Variants in PRKCE observed in about 807,000 individuals in gnomAD.
PRKCE encodes the protein protein kinase C epsilon type.
PRKCE carries 16 observed loss-of-function variants against 85.4 expected under a neutral mutation model. The observed-to-expected ratio is 0.19, with a 90% CI of 0.13 to 0.28. The LOEUF (loss-of-function observed/expected upper bound fraction) is 0.28, where lower values mean the gene tolerates loss of function less well. Ranked by LOEUF, PRKCE falls within the 10% of genes least tolerant of loss-of-function variation. The probability of loss-of-function intolerance (pLI) is 1.00; values close to 1 mark genes in which losing one functional copy is unlikely to be tolerated. For synonymous variants in PRKCE, 388 were observed against 371.5 expected (o/e 1.04, Z -0.51); for missense variants, 573 against 975.2 (o/e 0.59, Z 5.49).
intron 10 of PRKCE, among the ~76,000 whole-genome samples, chr2:46,045,112 T>G (rs964255913): frequency 1.3e-5 from 2 of 152,226 alleles, no homozygotes; most frequent in Non-Finnish European, 2.9e-5. Flanking sequence ...CCATGGGCAT[T>G]TTTACTTTAA....
intron 1 of PRKCE, among the ~76,000 whole-genome samples, chr2:45,788,503 C>T (rs1224431512): frequency 6.6e-6 from 1 of 152,178 alleles, no homozygotes; most frequent in Non-Finnish European, 1.5e-5. Context: ...TATCAGCACT[C>T]ACTTCTCATT....
At chr2:45,943,325 A>G (rs947797052) in intron 2 of PRKCE, among the ~76,000 whole-genome samples, 1 of 152,266 alleles carries the variant, frequency 6.6e-6, no homozygotes, top group East Asian at 1.9e-4. Flanking sequence ...GTTTAGAACC[A>G]TAGCGTCTAA....
intron 11 of PRKCE, among the ~76,000 whole-genome samples, chr2:46,143,567 C>G (rs1675771925): frequency 6.6e-6 from 1 of 152,122 alleles, no homozygotes; most frequent in African/African-American, 2.4e-5. Flanking sequence ...AGGTCACAGA[C>G]CAGCAAGGTG....
intron 11 of PRKCE, among the ~76,000 whole-genome samples, chr2:46,115,109 G>A (rs531764823): frequency 1.3e-5 from 2 of 152,294 alleles, no homozygotes; most frequent in African/African-American, 4.8e-5. Flanking sequence ...CTTGATCACA[G>A]TGTAGCGCAA....
intron 2 of PRKCE, among the ~76,000 whole-genome samples, chr2:45,928,776 A>AC (rs1379183343): frequency 2.0e-5 from 3 of 152,004 alleles, no homozygotes; most frequent in Non-Finnish European, 4.4e-5. Flanking sequence ...GTGTGGATGG[A>AC]CTTTTTTTTT....
rs574724621 is a variant in PRKCE, at chr2:46,071,510, G to A, written c.1438-14698G>A. 5.9e-5 allele frequency among the ~76,000 whole-genome samples: 9 copies of A among 152,308 alleles called. No homozygotes were observed. The South Asian group carries it at 1.9e-3, about 32-fold the overall frequency. On this transcript the variant is annotated intron_variant, in intron 10 of 14. Transcript: ENST00000306156. ...CAAGTTCATGCAGCTTGTTCACGCAGCTGAGCTAGGATTTTAACCCAGGCA... is the reference window on the plus strand; with the variant it reads ...CAAGTTCATGCAGCTTGTTCACGCAACTGAGCTAGGATTTTAACCCAGGCA...
intron 2 of PRKCE, among the ~76,000 whole-genome samples, chr2:45,901,259 G>A (rs577519100): frequency 2.4e-4 from 37 of 152,228 alleles, no homozygotes; most frequent in South Asian, 2.1e-4. Context: ...ACTCCTAATC[G>A]GTTGCTTGAG....
At chr2:46,125,266 GA>G (rs1415312759) in intron 11 of PRKCE, among the ~76,000 whole-genome samples, 2 of 152,196 alleles carry the variant, frequency 1.3e-5, no homozygotes, top group Admixed American at 6.5e-5. Context: ...GATAGGAAGG[GA>G]AAATAGGCGT....
Position 45,917,334 on chromosome 2 carries a change from G to A in PRKCE, c.413-59095G>A, listed in dbSNP as rs1022695644. Among the ~76,000 whole-genome samples, 6 of 152,150 alleles carry A rather than the reference G, an allele frequency of 3.9e-5. No individual in the cohort carries two copies. In the South Asian group the frequency reaches 6.2e-4, roughly 16 times the overall value. On this transcript the variant is annotated intron_variant, in intron 2 of 14. Coordinates refer to ENST00000306156, the MANE Select transcript of PRKCE (RefSeq NM_005400.3). Reference sequence around the variant, plus strand: ...AGCTAGACATAGGGTGCTGATTGGTGTGTTTACAAACCTTGAGCTAGATAC... The same window carrying A: ...AGCTAGACATAGGGTGCTGATTGGTATGTTTACAAACCTTGAGCTAGATAC...
chr2:45,968,696 C>A lies in PRKCE; in HGVS notation c.413-7733C>A, dbSNP rs111969573. ...CCTAAACTGAAAGGCAATCTAAGAA[C>A]ACTGAGGTTGTGGGTGCCCCTGACC... On this transcript the variant is annotated intron_variant, in intron 2 of 14. Transcript: ENST00000306156. Among the ~76,000 whole-genome samples, 398 of 152,250 alleles carry A rather than the reference C, an allele frequency of 2.6e-3. 5 individuals are homozygous for A. The highest frequency in any genetic ancestry group is 9.0e-3 in the African/African-American group (376 of 41,552).
chr2:45,963,768 G>C (rs1036448746), intron 2 of PRKCE, among the ~76,000 whole-genome samples: 1 of 152,166 alleles, frequency 6.6e-6, no homozygotes, highest in Non-Finnish European at 1.5e-5. Flanking sequence ...GCGCCCTGCC[G>C]GGACTCCAGA....
At chr2:46,010,763 A>C in intron 10 of PRKCE, 2 of 1,597,732 alleles carry the variant, frequency 1.3e-6, no homozygotes, top group Non-Finnish European at 1.7e-6. Flanking sequence ...GAGTTGGACA[A>C]AGCCAAATGG....
At chr2:45,879,320 C>T (rs567458932) in intron 2 of PRKCE, among the ~76,000 whole-genome samples, 15 of 152,236 alleles carry the variant, frequency 9.9e-5, no homozygotes, top group Non-Finnish European at 1.8e-4. Context: ...TCCCGCTCCC[C>T]TTCCTGCTGA....
chr2:45,679,774 C>T (rs1360127933), intron 1 of PRKCE, among the ~76,000 whole-genome samples: 1 of 152,106 alleles, frequency 6.6e-6, no homozygotes, highest in Non-Finnish European at 1.5e-5. Flanking sequence ...GTTGATTGAC[C>T]TCTGTAGGCA....
At chr2:45,846,348 C>T (rs1291668408) in intron 2 of PRKCE, among the ~76,000 whole-genome samples, 1 of 152,144 alleles carries the variant, frequency 6.6e-6, no homozygotes, top group Non-Finnish European at 1.5e-5. Flanking sequence ...GAGAGACGGT[C>T]GGCGCCTGAC....
intron 10 of PRKCE, among the ~76,000 whole-genome samples, chr2:46,082,100 A>G (rs996300042): frequency 6.6e-6 from 1 of 152,090 alleles, no homozygotes; most frequent in African/African-American, 2.4e-5. Flanking sequence ...AAAAAAACTA[A>G]GCAGTGGACT....
intron 10 of PRKCE, among the ~76,000 whole-genome samples, chr2:46,043,140 T>C (rs1406602532): frequency 6.6e-6 from 1 of 152,038 alleles, no homozygotes; most frequent in Non-Finnish European, 1.5e-5. Context: ...AATATGGGAT[T>C]ATTACCGATC....
intron 1 of PRKCE, among the ~76,000 whole-genome samples, chr2:45,674,070 C>A (rs1676305593): frequency 6.6e-6 from 1 of 152,148 alleles, no homozygotes; most frequent in Admixed American, 6.5e-5. Flanking sequence ...TATTTCATTT[C>A]CTTGTGTTTA....
At chr2:46,152,895 G>A (rs1465586503) in intron 13 of PRKCE, among the ~76,000 whole-genome samples, 1 of 152,286 alleles carries the variant, frequency 6.6e-6, no homozygotes, top group Middle Eastern at 3.4e-3. Flanking sequence ...AAACCATTTT[G>A]TAGGTATCTG....
Sources: gnomAD v4.1 joint callset for allele counts (sites outside exome capture counted in the v4.1 genomes callset) on GRCh38, gnomAD v4.1.1 for gene constraint, MANE v1.5 for transcripts, NCBI Gene and HGNC (gene_info 2026-07-23, HGNC 2026-07-21) for gene names.